CPNE4: variants seen among roughly 807,000 people sequenced by gnomAD.
The protein encoded by CPNE4 is copine 4.
In CPNE4, 25 loss-of-function variants were observed where a neutral mutation model predicts 67.9. The ratio of observed to expected loss-of-function variants is 0.37; its 90% CI spans 0.27 to 0.51. The LOEUF (loss-of-function observed/expected upper bound fraction) is 0.51, where lower values mean the gene tolerates loss of function less well. Among genes scored for constraint, CPNE4 ranks in the 20% least tolerant of loss-of-function variants. The pLI is 0.93. For missense variants in CPNE4, 464 were observed against 690.8 expected (o/e 0.67, Z 3.68); for synonymous variants, 242 against 244.9 (o/e 0.99, Z 0.11).
chr3:131,659,029 A>G (rs138304671), intron 7 of CPNE4, among the ~76,000 whole-genome samples: 2 of 152,360 alleles, frequency 1.3e-5, no homozygotes, highest in East Asian at 3.9e-4. Context: ...GTTAAAAACA[A>G]CATTTCCAAA....
At chr3:131,945,144 G>A (rs890355872) in intron 1 of CPNE4, among the ~76,000 whole-genome samples, 2 of 152,074 alleles carry the variant, frequency 1.3e-5, no homozygotes, top group African/African-American at 4.8e-5. Context: ...TGTGTTAACA[G>A]AAAAAGAATT....
chr3:131,557,064 A>G (rs560464359), intron 11 of CPNE4, among the ~76,000 whole-genome samples: 7 of 152,206 alleles, frequency 4.6e-5, no homozygotes, highest in African/African-American at 1.4e-4. Context: ...TTATAATTTA[A>G]TGATTATATG....
intron 2 of CPNE4, among the ~76,000 whole-genome samples, chr3:131,855,352 G>A (rs1308769492): frequency 1.3e-5 from 2 of 151,912 alleles, no homozygotes; most frequent in African/African-American, 4.8e-5. Context: ...CACTAAGGTT[G>A]GATTCAATGA....
chr3:131,983,358 G>C (rs1280182914), intron 1 of CPNE4, among the ~76,000 whole-genome samples: 1 of 152,124 alleles, frequency 6.6e-6, no homozygotes, highest in Non-Finnish European at 1.5e-5. Flanking sequence ...CTGTGTAATT[G>C]CTAGAATGCC....
rs1338406109 is a variant in CPNE4 at position 131,857,366 on chromosome 3, T to G, written c.180+47898A>C. On this transcript the variant is annotated intron_variant, in intron 2 of 15. Transcript: ENST00000429747. ...GTGAAGAGTGGGTTCCTGCAGCAGT[T>G]TCATCATTCACTGTTTGGCAGGAAA... Among the ~76,000 whole-genome samples, 8 of 152,148 alleles carry G rather than the reference T, an allele frequency of 5.3e-5. No homozygotes were observed. In the East Asian group the frequency reaches 1.5e-3, roughly 29 times the overall value.
chr3:132,027,305 C>G (rs1390830570), intron 1 of CPNE4, among the ~76,000 whole-genome samples: 2 of 152,146 alleles, frequency 1.3e-5, no homozygotes, highest in Non-Finnish European at 2.9e-5. Context: ...GAGCAAGTCA[C>G]TTCACCTTGC....
chr3:131,990,230 C>G lies in CPNE4; in HGVS notation c.-2+44337G>C, dbSNP rs916266024. On this transcript the variant is annotated intron_variant, in intron 1 of 15. Transcript: ENST00000429747. Reference sequence around the variant, plus strand: ...ATTTAATTCTCTAAAAGAAAAGATACAATCAGTAAGTTTAGTTTTACGAAA... The same window carrying G: ...ATTTAATTCTCTAAAAGAAAAGATAGAATCAGTAAGTTTAGTTTTACGAAA... Among the ~76,000 whole-genome samples, 3 of 136,478 alleles carry G rather than the reference C, an allele frequency of 2.2e-5. 1 individual carries two copies. Among genetic ancestry groups the G allele is most frequent in the Admixed American group, 1.6e-4 (2 of 12,164 alleles). 89.5% of individuals were successfully genotyped at this position (136,478 alleles called of 152,430 possible). A position where few individuals can be genotyped will look rare whatever the true frequency, so the allele number is the denominator to read the frequency against.
At chr3:131,581,016 A>G (rs1582838154) in intron 9 of CPNE4, among the ~76,000 whole-genome samples, 1 of 152,162 alleles carries the variant, frequency 6.6e-6, no homozygotes, top group Admixed American at 6.5e-5. Flanking sequence ...TACTAAAAAT[A>G]GAAAAAATTA....
At chr3:131,683,589 G>A (rs1211865000) in intron 6 of CPNE4, among the ~76,000 whole-genome samples, 1 of 152,118 alleles carries the variant, frequency 6.6e-6, no homozygotes, top group Non-Finnish European at 1.5e-5. Flanking sequence ...ACTGCTTAGG[G>A]TATGGGGCAC....
intron 5 of CPNE4, among the ~76,000 whole-genome samples, chr3:131,690,862 A>G (rs1355774547): frequency 1.3e-5 from 2 of 152,096 alleles, no homozygotes; most frequent in Non-Finnish European, 2.9e-5. Flanking sequence ...AAGCAAAAAT[A>G]AATAAATAAA....
At chr3:131,979,185 C>T (rs191955203) in intron 1 of CPNE4, among the ~76,000 whole-genome samples, 1 of 152,176 alleles carries the variant, frequency 6.6e-6, no homozygotes, top group East Asian at 1.9e-4. Context: ...ATGAAATGTT[C>T]TGTATATGTC....
chr3:131,934,194 T>C (rs769820974), intron 1 of CPNE4, among the ~76,000 whole-genome samples: 45 of 152,120 alleles, frequency 3.0e-4, no homozygotes, highest in Non-Finnish European at 5.1e-4. Flanking sequence ...AAAGTAACTA[T>C]TTGAATTTAG....
intron 14 of CPNE4, among the ~76,000 whole-genome samples, chr3:131,544,675 G>A (rs150004668): frequency 2.0e-4 from 31 of 152,318 alleles, no homozygotes; most frequent in Admixed American, 7.8e-4. Context: ...AGAAGCGGCA[G>A]AAAGAGGCAA....
intron 2 of CPNE4, among the ~76,000 whole-genome samples, chr3:131,793,072 C>T (rs1473064885): frequency 2.6e-5 from 4 of 152,014 alleles, no homozygotes; most frequent in Non-Finnish European, 4.4e-5. Context: ...GTTGGTCATT[C>T]GTCTTTTCCC....
At chr3:131,823,258 T>A (rs1220710969) in intron 2 of CPNE4, among the ~76,000 whole-genome samples, 1 of 152,238 alleles carries the variant, frequency 6.6e-6, no homozygotes, top group Non-Finnish European at 1.5e-5. Context: ...TACTATTCAG[T>A]CCTCATTGCA....
rs1560766090 is a variant in CPNE4, at chr3:132,001,611, G to GAAAGAAAGAAAGAAAGAA, written c.-2+32955_-2+32956insTTCTTTCTTTCTTTCTTT. 5.5e-5 allele frequency among the ~76,000 whole-genome samples: 8 copies of GAAAGAAAGAAAGAAAGAA among 146,132 alleles called. No homozygotes were observed. The South Asian group carries it at 1.1e-3, about 20-fold the overall frequency. On this transcript the variant is annotated intron_variant, in intron 1 of 15. Transcript: ENST00000429747. ...AGAAAGAAAGAAAGAAAGAAAGAAA[G>GAAAGAAAGAAAGAAAGAA]AAAGAAAATGAAGAGGAAGAGGAGA...
intron 2 of CPNE4, among the ~76,000 whole-genome samples, chr3:131,827,634 T>A (rs1182704345): frequency 6.6e-6 from 1 of 152,116 alleles, no homozygotes; most frequent in East Asian, 1.9e-4. Context: ...TGTTATGCTT[T>A]AGAATACTTA....
At chr3:132,021,412 T>C (rs1208414029) in intron 1 of CPNE4, among the ~76,000 whole-genome samples, 2 of 152,190 alleles carry the variant, frequency 1.3e-5, no homozygotes, top group East Asian at 3.9e-4. Context: ...ACCCTATATA[T>C]GTTTCCTATG....
intron 10 of CPNE4, among the ~76,000 whole-genome samples, chr3:131,569,578 C>G (rs1353411367): frequency 6.7e-6 from 1 of 150,046 alleles, no homozygotes; most frequent in Non-Finnish European, 1.5e-5. Context: ...TTTAAGGTTA[C>G]AGTGAGCTTC....
Sources: gnomAD v4.1 joint callset for allele counts (sites outside exome capture counted in the v4.1 genomes callset) on GRCh38, gnomAD v4.1.1 for gene constraint, MANE v1.5 for transcripts, NCBI Gene and HGNC (gene_info 2026-07-23, HGNC 2026-07-21) for gene names.